C4orf51: variants seen among roughly 807,000 people sequenced by gnomAD.
C4orf51 encodes uncharacterized protein C4orf51.
C4orf51 carries 25 observed loss-of-function variants against 25.2 expected under a neutral mutation model. The observed-to-expected ratio is 0.99, with a 90% confidence interval of 0.72 to 1.39. The LOEUF (loss-of-function observed/expected upper bound fraction) is 1.39. Ranked by LOEUF, C4orf51 falls within the 40% of genes most tolerant of loss-of-function variation. The pLI, the probability that C4orf51 is intolerant of heterozygous loss-of-function variation, is 0.00. For synonymous variants in C4orf51, 100 were observed against 84.5 expected, an observed-to-expected ratio of 1.18 and a Z score of -1.01; for missense variants, 252 against 239.6, an observed-to-expected ratio of 1.05 and a Z score of -0.34.
intron 1 of C4orf51, chr4:145,760,748 T>A: frequency 5.7e-6 from 5 of 871,028 alleles, no homozygotes; most frequent in Non-Finnish European, 7.0e-6. Flanking sequence ...GTCTTTTGTC[T>A]CTCTGTTTTT....
chr4:145,756,797 AAAGAG>A (rs1733981386), downstream of C4orf51, among the ~76,000 whole-genome samples: 1 of 152,246 alleles, frequency 6.6e-6, no homozygotes, highest in Admixed American at 6.5e-5. Context: ...TGAAAAAATA[AAAGAG>A]AAAATAGTGT....
intron 1 of C4orf51, chr4:145,764,911 G>C (rs1302139085): frequency 3.1e-6 from 5 of 1,601,718 alleles, no homozygotes; most frequent in Non-Finnish European, 4.3e-6. Flanking sequence ...AAACCTTCAC[G>C]GGAAGGGACG....
intron 1 of C4orf51, among the ~76,000 whole-genome samples, chr4:145,687,433 T>A (rs1235925609): frequency 6.6e-6 from 1 of 152,206 alleles, no homozygotes; most frequent in Non-Finnish European, 1.5e-5. Context: ...TAGGCACACA[T>A]CCTTAACCTT....
chr4:145,699,659 T>C (rs955673279), intron 2 of C4orf51, among the ~76,000 whole-genome samples: 2 of 152,338 alleles, frequency 1.3e-5, no homozygotes, highest in South Asian at 2.1e-4. Flanking sequence ...CCTCTCTGAT[T>C]ATCTACCCAC....
In C4orf51 at chr4:145,742,532, GTTTTTT is replaced by G. The variant is rs141147414; in HGVS notation, n.167+9933_167+9938del. On this transcript the variant is annotated intron_variant and non_coding_transcript_variant, in intron 1 of 1. Coordinates refer to the C4orf51 transcript ENST00000508981. ...TACACGACAGCATTTTCTTTTTCTT[GTTTTTT>G]TTTTTTTTTTTTTTTTTTTGAGACA... 8.5e-3 allele frequency among the ~76,000 whole-genome samples: 894 copies of G among 104,938 alleles called. 3 individuals are homozygous for G. The highest frequency in any genetic ancestry group is 0.013 in the Middle Eastern group (2 of 156). 68.8% of individuals were successfully genotyped at this position (104,938 alleles called of 152,430 possible). A position where few individuals can be genotyped will look rare whatever the true frequency, so the allele number is the denominator to read the frequency against.
downstream of C4orf51, among the ~76,000 whole-genome samples, chr4:145,734,793 C>T (rs761819953): frequency 3.3e-5 from 5 of 152,190 alleles, no homozygotes; most frequent in Non-Finnish European, 7.3e-5. Flanking sequence ...GGAGCACAGA[C>T]CATACATGGC....
At chr4:145,744,680 A>C (rs552888847) in intron 1 of C4orf51, among the ~76,000 whole-genome samples, 1 of 152,128 alleles carries the variant, frequency 6.6e-6, no homozygotes, top group Non-Finnish European at 1.5e-5. Context: ...TTCTACAAAA[A>C]AAAATTAGTA....
chr4:145,692,937 T>C (rs1729683511), intron 1 of C4orf51, among the ~76,000 whole-genome samples: 1 of 138,306 alleles, frequency 7.2e-6, no homozygotes, highest in Non-Finnish European at 1.6e-5. Context: ...GTTACTCCGC[T>C]GATATTAAGT....
chr4:145,746,275 TCAAGAAATCTTTGCCCG>T (rs1733369121), intron 1 of C4orf51, among the ~76,000 whole-genome samples: 1 of 152,190 alleles, frequency 6.6e-6, no homozygotes, highest in Non-Finnish European at 1.5e-5. Context: ...GGGGTATAAC[TCAAGAAATCTTTGCCCG>T]CTCCAGTGTC....
At chr4:145,703,395 C>G (rs926933590) in intron 2 of C4orf51, among the ~76,000 whole-genome samples, 1 of 152,126 alleles carries the variant, frequency 6.6e-6, no homozygotes, top group Non-Finnish European at 1.5e-5. Context: ...ACCCTTAACT[C>G]CCTTCACTGA....
chr4:145,698,553 A>G (rs1475357463), intron 2 of C4orf51, among the ~76,000 whole-genome samples: 1 of 152,212 alleles, frequency 6.6e-6, no homozygotes, highest in Non-Finnish European at 1.5e-5. Flanking sequence ...CCAAGGTTTT[A>G]TGATACAAAT....
At chr4:145,779,832 A>G in the C4orf51 span, among the ~76,000 whole-genome samples, 1 of 152,248 alleles carries the variant, frequency 6.6e-6, no homozygotes, top group Non-Finnish European at 1.5e-5. Flanking sequence ...AATACTTGTT[A>G]AATGAGTTGC....
intron 1 of C4orf51, among the ~76,000 whole-genome samples, chr4:145,742,360 TGGTG>T (rs1733145679): frequency 6.6e-6 from 1 of 152,158 alleles, no homozygotes; most frequent in Admixed American, 6.5e-5. Flanking sequence ...GTTCTGTCAT[TGGTG>T]CCTTTGTTTT....
At chr4:145,684,735 T>G (rs1220713939) in intron 1 of C4orf51, among the ~76,000 whole-genome samples, 2 of 152,200 alleles carry the variant, frequency 1.3e-5, no homozygotes, top group East Asian at 3.9e-4. Context: ...TATGTTCATC[T>G]TAATTTTGCT....
chr4:145,787,226 A>G, the C4orf51 span, among the ~76,000 whole-genome samples: 2 of 152,168 alleles, frequency 1.3e-5, no homozygotes, highest in African/African-American at 4.8e-5. Flanking sequence ...GCACTTTGGG[A>G]GGCCGAGGCG....
chr4:145,763,510 G>A lies in C4orf51; in HGVS notation n.167-7478G>A, dbSNP rs1411607336. Among the ~76,000 whole-genome samples the A allele has an allele frequency of 6.6e-6, 1 of 152,216 alleles. No individual in the cohort carries two copies. Among genetic ancestry groups the A allele is most frequent in the Non-Finnish European group, 1.5e-5 (1 of 68,040 alleles). ...GGTTAGCACCGCACGGGAAGTGTCTGTACCAGCAAAAGCATCAGAATTCAC... is the reference window on the plus strand; with the variant it reads ...GGTTAGCACCGCACGGGAAGTGTCTATACCAGCAAAAGCATCAGAATTCAC... On this transcript the variant is annotated intron_variant and non_coding_transcript_variant, in intron 1 of 1. Coordinates refer to the C4orf51 transcript ENST00000510096. This position sits in a 1 kb window ranked among gnomAD's most constrained non-coding sequence, Gnocchi z 4.6.
intron 1 of C4orf51, among the ~76,000 whole-genome samples, chr4:145,742,506 C>T (rs953523203): frequency 6.8e-6 from 1 of 146,074 alleles, no homozygotes; most frequent in Non-Finnish European, 1.5e-5. Flanking sequence ...TTTCAGTTTT[C>T]TACACGACAG....
Position 145,763,020 on chromosome 4 carries a change from C to T in C4orf51, n.167-7968C>T. 7.0e-7 allele frequency: 1 copy of T among 1,420,326 alleles called. No homozygotes were observed. The highest frequency in any genetic ancestry group is 9.5e-7 in the Non-Finnish European group (1 of 1,048,548). The allele number at this position is 1,420,326 out of a possible 1,614,324, so 88.0% of individuals were successfully genotyped here. ...GAACCTCAGCTCACAGAAGAGTGCA[C>T]ACGAGAGAAATATAAAGCCCATTCC... On this transcript the variant is annotated intron_variant and non_coding_transcript_variant, in intron 1 of 1. Transcript: ENST00000510096. The surrounding 1 kb of genome is among the most constrained non-coding windows in gnomAD (Gnocchi z 4.6).
intron 2 of C4orf51, among the ~76,000 whole-genome samples, chr4:145,721,188 TAC>T: frequency 6.6e-6 from 1 of 151,098 alleles, no homozygotes; most frequent in Non-Finnish European, 1.5e-5. Context: ...CTACTAAAAA[TAC>T]AAAAATTAGC....
Sources: allele counts gnomAD v4.1 joint callset (sites outside exome capture counted in the v4.1 genomes callset), GRCh38; gene constraint gnomAD v4.1.1; non-coding constraint Gnocchi (gnomAD v3.1); transcripts MANE v1.5; gene names NCBI Gene and HGNC (gene_info 2026-07-23, HGNC 2026-07-21).